ZNF441: variants seen among roughly 807,000 people sequenced by gnomAD.
ZNF441 encodes the protein zinc finger protein 441.
Under a neutral mutation model 64.5 loss-of-function variants are expected in ZNF441, and 25 were observed. The ratio of observed to expected loss-of-function variants is 0.39; its 90% CI spans 0.28 to 0.54. The LOEUF is 0.54. ZNF441 is among the 20% of genes least tolerant of loss of function. ZNF441 has a pLI of 0.70. For synonymous variants in ZNF441, 262 were observed against 268.0 expected (o/e 0.98, Z 0.22); for missense variants, 715 against 843.3 (o/e 0.85, Z 1.88).
At chr19:11,772,351 A>C (rs411800) in intron 1 of ZNF441, among the ~76,000 whole-genome samples, 2 of 151,432 alleles carry the variant, frequency 1.3e-5, no homozygotes, top group Non-Finnish European at 3.0e-5. Flanking sequence ...CTCTCTCGTC[A>C]CCGCACATGG....
At position 11,781,767 on chromosome 19, in the gene ZNF441, G is replaced by A; in HGVS notation, c.1943G>A (p.Cys648Tyr). 1 of 1,614,128 alleles carries A rather than the reference G, an allele frequency of 6.2e-7. No homozygotes were observed. Reference protein sequence around the residue: ...TGEKPYKCKECGKPFHCPSAF... With the variant: ...TGEKPYKCKEYGKPFHCPSAF... ...GAGAAGCCGTATAAATGTAAGGAAT[G>A]TGGGAAACCATTCCATTGTCCCAGT... is the stretch of plus-strand genomic sequence containing the variant. The change falls in exon 4 of 4, where the codon TGT (cysteine) becomes TAT (tyrosine). Residue 648 changes from cysteine (C) to tyrosine (Y), a missense_variant. Cys to Tyr is a radical substitution (Grantham distance 194). Around this residue, in one of 2 missense-constraint regions of ZNF441, gnomAD observed 316 missense variants for 429.3 expected, o/e 0.74. Coordinates refer to ENST00000357901, the MANE Select transcript of ZNF441 (RefSeq NM_152355.3).
rs10415122 is a variant in ZNF441 at position 11,778,559 on chromosome 19, A to G, written c.194+166A>G. ...CTGTAGCCTCGGACTCCTGTGCTCA[A>G]TGGTCCTCCCATTTCAACCTCCTGA... On this transcript the variant is annotated intron_variant, in intron 3 of 3. Coordinates refer to ENST00000357901, the MANE Select transcript of ZNF441 (RefSeq NM_152355.3). Among the ~76,000 whole-genome samples, 1,100 of 152,296 alleles carry G rather than the reference A, an allele frequency of 7.2e-3. 6 individuals carry two copies. Among genetic ancestry groups the G allele is most frequent in the African/African-American group, 0.025 (1,055 of 41,538 alleles).
In ZNF441 at chr19:11,777,641, A is replaced by G; in HGVS notation, c.34A>G (p.Asn12Asp). 1 of 1,613,590 alleles carries G rather than the reference A, an allele frequency of 6.2e-7. No homozygotes were observed. The highest frequency in any genetic ancestry group is 8.5e-7 in the Non-Finnish European group (1 of 1,179,688). The change falls in exon 2 of 4, where the codon AAC becomes GAC. Residue 12 changes from asparagine to aspartate, a missense_variant. This residue lies in a region of ZNF441 where 399 missense variants were observed against 413.9 expected (regional missense o/e 0.96). Transcript: ENST00000357901. Reference protein sequence around the residue: ...DSVAFEDVAINFTCEEWALLG... With the variant: ...DSVAFEDVAIDFTCEEWALLG... ...AGTGGCATTTGAGGATGTGGCTATA[A>G]ACTTCACCTGTGAGGAGTGGGCTTT... is the stretch of plus-strand genomic sequence containing the variant.
chr19:11,778,252 T>G, intron 2 of ZNF441, 78 bp from the exon 3 acceptor site: 1 of 992,032 alleles, frequency 1.0e-6, no homozygotes, highest in Non-Finnish European at 1.5e-6. Context: ...CATGCATGAT[T>G]GTAGTGTACA....
At position 11,780,394 on chromosome 19, in the gene ZNF441, C is replaced by A. The variant is rs765322037; in HGVS notation, c.570C>A (p.His190Gln). 3.7e-6 allele frequency: 6 copies of A among 1,614,058 alleles called. No homozygotes were observed. The African/African-American group carries it at 6.7e-5, about 18-fold the overall frequency. ...ACCTTCAAAGACACATGGCAGCACA[C>A]CATGGAGATGGACCTCGTATATGTA... ...LENLQRHMAA[H>Q]HGDGPRICKL... The change falls in exon 4 of 4, where the codon CAC becomes CAA. Residue 190 changes from histidine (H) to glutamine (Q), a missense_variant. Transcript: ENST00000357901.
chr19:11,779,318 CAAAAAAA>C (rs67463970), intron 3 of ZNF441, among the ~76,000 whole-genome samples: 12 of 103,450 alleles, frequency 1.2e-4, no homozygotes, highest in South Asian at 1.0e-3. Context: ...AACCCAGTTT[CAAAAAAA>C]AAAAAAAAAA....
At chr19:11,775,593 T>G (rs1283302377) in intron 1 of ZNF441, among the ~76,000 whole-genome samples, 2 of 148,356 alleles carry the variant, frequency 1.3e-5, no homozygotes, top group East Asian at 4.0e-4. Flanking sequence ...CCTCCCAAAG[T>G]GCTGGGATTA....
Position 11,767,434 on chromosome 19 carries a change from G to T in ZNF441, c.3+238G>T, listed in dbSNP as rs1487812879. Among the ~76,000 whole-genome samples, 2 of 152,278 alleles carry T rather than the reference G, an allele frequency of 1.3e-5. No homozygotes were observed. Among genetic ancestry groups the T allele is most frequent in the African/African-American group, 4.8e-5 (2 of 41,470 alleles). On this transcript the variant is annotated intron_variant, in intron 1 of 3. Transcript: ENST00000357901. This position sits in a 1 kb window ranked among gnomAD's most constrained non-coding sequence, Gnocchi z 5.1. Reference sequence around the variant, plus strand: ...TGGAGGCCTGTCTGGGCAGCTCCGCGCCCGCAGTCCTGCGTCTCCCCAGAT... The same window carrying T: ...TGGAGGCCTGTCTGGGCAGCTCCGCTCCCGCAGTCCTGCGTCTCCCCAGAT...
At chr19:11,773,572 T>C (rs942570071) in intron 1 of ZNF441, among the ~76,000 whole-genome samples, 1 of 152,220 alleles carries the variant, frequency 6.6e-6, no homozygotes, top group Non-Finnish European at 1.5e-5. Flanking sequence ...ACTATAGTTG[T>C]AGATTTGTGT....
chr19:11,777,852 C>A, intron 2 of ZNF441, 115 bp downstream of exon 2: 1 of 1,241,398 alleles, frequency 8.1e-7, no homozygotes, highest in Non-Finnish European at 1.1e-6. Context: ...TTGAACCAGC[C>A]ACCCAAGCAG....
intron 1 of ZNF441, among the ~76,000 whole-genome samples, chr19:11,774,529 G>A (rs1017395927): frequency 6.6e-6 from 1 of 151,482 alleles, no homozygotes. Context: ...TTTTACTTTG[G>A]TTGCTCACAT....
Position 11,781,786 on chromosome 19 carries a change from T to C in ZNF441, c.1962T>C (p.Cys654=), listed in dbSNP as rs1454244218. 6.2e-7 allele frequency: 1 copy of C among 1,613,988 alleles called. No homozygotes were observed. The highest frequency in any genetic ancestry group is 1.3e-5 in the African/African-American group (1 of 74,922). The change falls in exon 4 of 4, where the codon TGT becomes TGC. Residue 654 remains cysteine (C), a synonymous_variant. Coordinates refer to ENST00000357901, the MANE Select transcript of ZNF441 (RefSeq NM_152355.3). ...AGGAATGTGGGAAACCATTCCATTG[T>C]CCCAGTGCCTTTCATAAACATGAAA... ...KCKECGKPFH[C]PSAFHKHERT...
At chr19:11,772,754 T>G (rs1975324401) in intron 1 of ZNF441, among the ~76,000 whole-genome samples, 1 of 152,002 alleles carries the variant, frequency 6.6e-6, no homozygotes, top group African/African-American at 2.4e-5. Flanking sequence ...ATCCAGCCAC[T>G]CAGGAGGCTG....
In ZNF441 at chr19:11,780,378, G is replaced by A. The variant is rs1398674699; in HGVS notation, c.554G>A (p.Arg185Lys). ...TTCAGTTCTCTTGAAAACCTTCAAA[G>A]ACACATGGCAGCACACCATGGAGAT... is the stretch of plus-strand genomic sequence containing the variant. ...ASFSSLENLQRHMAAHHGDGP... is the reference protein window; with the variant it reads ...ASFSSLENLQKHMAAHHGDGP... The change falls in exon 4 of 4, where the codon AGA becomes AAA. Residue 185 changes from arginine to lysine, a missense_variant. Around this residue, in one of 2 missense-constraint regions of ZNF441, gnomAD observed 399 missense variants for 413.9 expected, o/e 0.96. Transcript: ENST00000357901. 6.8e-6 allele frequency: 11 copies of A among 1,614,194 alleles called. No homozygotes were observed. Among genetic ancestry groups the A allele is most frequent in the Non-Finnish European group, 9.3e-6 (11 of 1,180,036 alleles).
chr19:11,774,741 A>G (rs1033619857), intron 1 of ZNF441, among the ~76,000 whole-genome samples: 12 of 152,170 alleles, frequency 7.9e-5, no homozygotes, highest in African/African-American at 2.9e-4. Flanking sequence ...TTTTTATTCA[A>G]TAAGTCTAAT....
chr19:11,779,710 G>T (rs1975382322), intron 3 of ZNF441, among the ~76,000 whole-genome samples: 1 of 149,598 alleles, frequency 6.7e-6, no homozygotes, highest in Non-Finnish European at 1.5e-5. Flanking sequence ...TTGCGCCACT[G>T]CACTCCAGCC....
Position 11,783,132 on chromosome 19 carries a change from G to C in ZNF441, c.*1226G>C, listed in dbSNP as rs1975416955. The C allele has an allele frequency of 6.6e-6, 1 of 152,084 alleles. No individual in the cohort carries two copies. The highest frequency in any genetic ancestry group is 2.4e-5 in the African/African-American group (1 of 41,400). The allele number at this position is 152,084 out of a possible 1,614,324, so 9.4% of individuals were successfully genotyped here. A position where few individuals can be genotyped will look rare whatever the true frequency, so the allele number is the denominator to read the frequency against. ...AAATAATCCCATTAAAGTGGGAAAA[G>C]GATGTGAACAGACAGTTCTCAAAAG... On this transcript the variant is annotated 3_prime_UTR_variant, in exon 4 of 4. Coordinates refer to ENST00000357901, the MANE Select transcript of ZNF441 (RefSeq NM_152355.3).
intron 3 of ZNF441, among the ~76,000 whole-genome samples, chr19:11,779,257 C>T (rs1040091587): frequency 1.2e-4 from 18 of 149,238 alleles, no homozygotes; most frequent in Non-Finnish European, 8.9e-5. Flanking sequence ...AGGTCAAAGC[C>T]GCAGTAAGCC....
chr19:11,777,743 G>T lies in ZNF441; in HGVS notation c.130+6G>T. The T allele has an allele frequency of 6.2e-7, 1 of 1,602,886 alleles. No individual in the cohort carries two copies. The highest frequency in any genetic ancestry group is 8.5e-7 in the Non-Finnish European group (1 of 1,176,360). On this transcript the variant is annotated splice_donor_region_variant and intron_variant, in intron 2 of 3. Transcript: ENST00000357901. ...CAGAAACCTGGACTGTATAGGTAAG[G>T]ATGTCATCATGTCTTCACTTAGTCA...
Sources: allele counts gnomAD v4.1 joint callset (sites outside exome capture counted in the v4.1 genomes callset), GRCh38; gene constraint gnomAD v4.1.1; regional missense constraint gnomAD v4.1.1; non-coding constraint Gnocchi (gnomAD v3.1); transcripts MANE v1.5; gene names NCBI Gene and HGNC (gene_info 2026-07-23, HGNC 2026-07-21).